Variants in GALNT17 observed in about 807,000 individuals in gnomAD.
GALNT17 encodes the protein polypeptide N-acetylgalactosaminyltransferase 17.
Under a neutral mutation model 63.7 loss-of-function variants are expected in GALNT17, and 29 were observed. The observed-to-expected ratio is 0.46, with a 90% CI of 0.34 to 0.62. GALNT17 has a LOEUF of 0.62. GALNT17 is among the 20% of genes least tolerant of loss of function. The probability of loss-of-function intolerance (pLI) is 0.01; values close to 1 mark genes in which losing one functional copy is unlikely to be tolerated. For synonymous variants in GALNT17, 305 were observed against 318.3 expected, an observed-to-expected ratio of 0.96 and a Z score of 0.45; for missense variants, 603 against 799.6, an observed-to-expected ratio of 0.75 and a Z score of 2.97.
chr7:71,196,708 G>A (rs1272446958), intron 1 of GALNT17, among the ~76,000 whole-genome samples: 1 of 151,846 alleles, frequency 6.6e-6, no homozygotes, highest in Non-Finnish European at 1.5e-5. Flanking sequence ...GCGTGATCTT[G>A]GTTCAAGTGA....
chr7:71,245,848 G>GTTTTTTTTTTTTTTT (rs542136452), intron 1 of GALNT17, among the ~76,000 whole-genome samples: 44 of 122,872 alleles, frequency 3.6e-4, no homozygotes, highest in African/African-American at 1.0e-3. Context: ...AAGAGAGCAG[G>GTTTTTTTTTTTTTTT]TTTTTTTTTT....
At chr7:71,392,198 G>C (rs1375051740) in intron 3 of GALNT17, among the ~76,000 whole-genome samples, 1 of 152,116 alleles carries the variant, frequency 6.6e-6, no homozygotes, top group African/African-American at 2.4e-5. Context: ...CAAGTAGATG[G>C]GTTTATTCAC....
In GALNT17 at chr7:71,132,585, A is replaced by T. The variant is rs1489441617; in HGVS notation, c.-218A>T. On this transcript the variant is annotated 5_prime_UTR_variant, in exon 1 of 11. Transcript: ENST00000333538. ...CAGGCGTCTCGGGGAGCACTTCTGC[A>T]GAGCGAGGACTTCCATGTGAGCGAT... 1.8e-6 allele frequency: 1 copy of T among 549,688 alleles called. No homozygotes were observed. The highest frequency in any genetic ancestry group is 2.3e-5 in the South Asian group (1 of 43,558). The allele number at this position is 549,688 out of a possible 1,614,324, so 34.1% of individuals were successfully genotyped here.
At chr7:71,437,027 T>C (rs998699311) in intron 5 of GALNT17, among the ~76,000 whole-genome samples, 20 of 152,326 alleles carry the variant, frequency 1.3e-4, no homozygotes, top group African/African-American at 4.8e-4. Context: ...TTCGACTCGC[T>C]GGCCCTCCCG....
At chr7:71,540,955 C>G (rs894453831) in intron 5 of GALNT17, among the ~76,000 whole-genome samples, 3 of 151,912 alleles carry the variant, frequency 2.0e-5, no homozygotes, top group Non-Finnish European at 4.4e-5. Flanking sequence ...GAAACGATGG[C>G]CAGCCGGGCG....
intron 5 of GALNT17, among the ~76,000 whole-genome samples, chr7:71,545,356 C>CTTGTTTGT (rs1392128265): frequency 6.6e-6 from 1 of 151,728 alleles, no homozygotes; most frequent in Non-Finnish European, 1.5e-5. Context: ...TTTTGGTTTG[C>CTTGTTTGT]TTGTTTGTTT....
chr7:71,206,362 G>A (rs957021715), intron 1 of GALNT17, among the ~76,000 whole-genome samples: 16 of 151,966 alleles, frequency 1.1e-4, no homozygotes, highest in African/African-American at 3.9e-4. Context: ...TGTGAGCCAC[G>A]AGAACAGAAT....
intron 1 of GALNT17, among the ~76,000 whole-genome samples, chr7:71,151,218 A>G (rs1788126748): frequency 6.6e-6 from 1 of 152,202 alleles, no homozygotes; most frequent in South Asian, 2.1e-4. Flanking sequence ...TCATGTGATC[A>G]GCAAATATTG....
chr7:71,211,085 A>G (rs1789366096), intron 1 of GALNT17, among the ~76,000 whole-genome samples: 1 of 152,320 alleles, frequency 6.6e-6, no homozygotes, highest in Non-Finnish European at 1.5e-5. Flanking sequence ...ATTTTATGGT[A>G]TACCACCACA....
chr7:71,310,494 A>C (rs560455764), intron 1 of GALNT17, among the ~76,000 whole-genome samples: 2 of 152,288 alleles, frequency 1.3e-5, no homozygotes, highest in Non-Finnish European at 2.9e-5. Flanking sequence ...TGTTTTTTGC[A>C]TTTAAAGTAA....
intron 1 of GALNT17, among the ~76,000 whole-genome samples, chr7:71,142,085 G>A (rs1488692945): frequency 1.1e-4 from 17 of 150,906 alleles, no homozygotes; most frequent in Admixed American, 9.9e-4. Flanking sequence ...GGCCAGCCCT[G>A]TCTTGAACTC....
At chr7:71,345,876 G>C (rs1792082325) in intron 2 of GALNT17, among the ~76,000 whole-genome samples, 1 of 151,888 alleles carries the variant, frequency 6.6e-6, no homozygotes, top group Admixed American at 6.6e-5. Context: ...TAGGGTGAAA[G>C]TGCCTTAAAA....
At chr7:71,176,493 G>A (rs1423281179) in intron 1 of GALNT17, among the ~76,000 whole-genome samples, 1 of 152,132 alleles carries the variant, frequency 6.6e-6, no homozygotes, top group African/African-American at 2.4e-5. Context: ...CACAGAGAGG[G>A]CAGTGTGAGT....
intron 9 of GALNT17, among the ~76,000 whole-genome samples, chr7:71,690,953 A>G (rs1270489665): frequency 6.6e-6 from 1 of 152,206 alleles, no homozygotes; most frequent in Non-Finnish European, 1.5e-5. Context: ...TGTTGAAATG[A>G]CACAAGAGAA....
At chr7:71,711,938 C>T (rs1376627591) in intron 10 of GALNT17, 80 bp from the exon 11 acceptor site, 1 of 1,490,468 alleles carries the variant, frequency 6.7e-7, no homozygotes, top group Admixed American at 1.8e-5. Flanking sequence ...TCCTGTCTCT[C>T]TTTCTCCTCT....
chr7:71,699,171 C>CAAAAAAAAAA (rs59124269), intron 9 of GALNT17, among the ~76,000 whole-genome samples: 2 of 77,324 alleles, frequency 2.6e-5, no homozygotes, highest in African/African-American at 4.9e-5. Flanking sequence ...GACTCCATCT[C>CAAAAAAAAAA]AAAAAAAAAA....
At chr7:71,280,343 A>G (rs1464843558) in intron 1 of GALNT17, among the ~76,000 whole-genome samples, 9 of 152,166 alleles carry the variant, frequency 5.9e-5, no homozygotes, top group Non-Finnish European at 1.2e-4. Flanking sequence ...GGCTTCAAGA[A>G]GTGCTAAGGA....
At chr7:71,339,048 C>A (rs1791962509) in intron 2 of GALNT17, among the ~76,000 whole-genome samples, 1 of 152,126 alleles carries the variant, frequency 6.6e-6, no homozygotes, top group African/African-American at 2.4e-5. Context: ...TCTCATTAGC[C>A]TTTCTTATTA....
In GALNT17 at chr7:71,294,336, C is replaced by T. The variant is rs141745625; in HGVS notation, c.239-41214C>T. On this transcript the variant is annotated intron_variant, in intron 1 of 10. Transcript: ENST00000333538. ...TTATTTCTTTAAATAAGCTGGTTGC[C>T]CTTTTTGCTCTCTCTTCTTTCTGGA... Among the ~76,000 whole-genome samples, 471 of 151,252 alleles carry T rather than the reference C, an allele frequency of 3.1e-3. 16 individuals are homozygous for T. The East Asian group carries it at 0.066, about 21-fold the overall frequency.
Sources: gnomAD v4.1 joint callset for allele counts (sites outside exome capture counted in the v4.1 genomes callset) on GRCh38, gnomAD v4.1.1 for gene constraint, MANE v1.5 for transcripts, NCBI Gene and HGNC (gene_info 2026-07-23, HGNC 2026-07-21) for gene names.